GABRP: variants seen among roughly 807,000 people sequenced by gnomAD.
GABRP encodes the protein gamma-aminobutyric acid type A receptor subunit pi.
In GABRP, 52 loss-of-function variants were observed where a neutral mutation model predicts 47.8. The observed-to-expected ratio is 1.09, with a 90% CI of 0.87 to 1.37. The LOEUF (loss-of-function observed/expected upper bound fraction) is 1.37, where lower values mean the gene tolerates loss of function less well. GABRP is among the 40% of genes most tolerant of loss of function. The probability of loss-of-function intolerance (pLI) is 0.00; values close to 1 mark genes in which losing one functional copy is unlikely to be tolerated. For missense variants in GABRP, 525 were observed against 542.8 expected (o/e 0.97, Z 0.33); for synonymous variants, 221 against 205.8 (o/e 1.07, Z -0.63).
intron 6 of GABRP, among the ~76,000 whole-genome samples, chr5:170,800,783 TAA>T (rs1198782472): frequency 6.6e-6 from 1 of 152,182 alleles, no homozygotes; most frequent in Non-Finnish European, 1.5e-5. Context: ...CCATCTCTAC[TAA>T]AAATACAAAA....
Position 170,813,962 on chromosome 5 carries a change from C to T in GABRP, c.*1704C>T, listed in dbSNP as rs1345344539. The T allele has an allele frequency of 6.6e-6, 1 of 152,066 alleles. No homozygotes were observed. Among genetic ancestry groups the T allele is most frequent in the African/African-American group, 2.4e-5 (1 of 41,386 alleles). The allele number at this position is 152,066 out of a possible 1,614,324, so 9.4% of individuals were successfully genotyped here. A position where few individuals can be genotyped will look rare whatever the true frequency, so the allele number is the denominator to read the frequency against. ...TTAAAAGGAAATATCTGTTCTGAAA[C>T]CCCACTTAAGCATTGTTTTTATATA... On this transcript the variant is annotated 3_prime_UTR_variant, in exon 10 of 10. Transcript: ENST00000265294.
At chr5:170,788,766 G>A in intron 2 of GABRP, 98 bp downstream of exon 2, 2 of 1,136,092 alleles carry the variant, frequency 1.8e-6, no homozygotes, top group Non-Finnish European at 1.3e-6. Context: ...CCACAGCAAG[G>A]CAAAACCCGG....
chr5:170,810,714 G>A (rs536147701), intron 9 of GABRP, among the ~76,000 whole-genome samples: 4 of 152,250 alleles, frequency 2.6e-5, no homozygotes, highest in East Asian at 1.9e-4. Context: ...CTAGGACCAC[G>A]GAGGATCTAA....
At chr5:170,793,630 G>T (rs914932064) in intron 3 of GABRP, among the ~76,000 whole-genome samples, 3 of 152,188 alleles carry the variant, frequency 2.0e-5, no homozygotes, top group Non-Finnish European at 4.4e-5. Flanking sequence ...ACATCTGTGC[G>T]CAATCAGATT....
At chr5:170,790,930 A>G (rs1164171734) in intron 3 of GABRP, among the ~76,000 whole-genome samples, 1 of 152,166 alleles carries the variant, frequency 6.6e-6, no homozygotes, top group African/African-American at 2.4e-5. Context: ...ATTTTCATTC[A>G]GATTTGAGAC....
chr5:170,798,151 C>T (rs975468948), intron 6 of GABRP, among the ~76,000 whole-genome samples: 1 of 152,230 alleles, frequency 6.6e-6, no homozygotes, highest in Non-Finnish European at 1.5e-5. Flanking sequence ...ACGCCATTCT[C>T]CTGCCTCAGC....
At position 170,809,718 on chromosome 5, in the gene GABRP, A is replaced by G; in HGVS notation, c.983A>G (p.His328Arg). ...FGALLEYAVA[H>R]YSSLQQMAAK... ...GCCTTGCTAGAATATGCAGTTGCTC[A>G]CTACAGTTCCTTACAGCAGATGGCA... The change falls in exon 9 of 10, where the codon CAC becomes CGC. Residue 328 changes from histidine (H) to arginine (R), a missense_variant. Transcript: ENST00000265294. 6.2e-7 allele frequency: 1 copy of G among 1,608,656 alleles called. No individual in the cohort carries two copies. The highest frequency in any genetic ancestry group is 8.5e-7 in the Non-Finnish European group (1 of 1,177,460).
At chr5:170,788,931 T>C (rs1391544312) in intron 2 of GABRP, among the ~76,000 whole-genome samples, 198 bp from the exon 3 acceptor site, 7 of 152,214 alleles carry the variant, frequency 4.6e-5, no homozygotes, top group Non-Finnish European at 8.8e-5. Context: ...TATTTTGATC[T>C]ATGGCAAATG....
At chr5:170,793,145 CA>C (rs1439594378) in intron 3 of GABRP, among the ~76,000 whole-genome samples, 2 of 152,192 alleles carry the variant, frequency 1.3e-5, no homozygotes, top group African/African-American at 4.8e-5. Context: ...CGCCACTCCA[CA>C]AAGACAATGT....
At chr5:170,809,228 T>C (rs1483208202) in intron 8 of GABRP, among the ~76,000 whole-genome samples, 1 of 152,196 alleles carries the variant, frequency 6.6e-6, no homozygotes, top group Non-Finnish European at 1.5e-5. Context: ...TGAGCCACTA[T>C]GCCCTGCCAG....
intron 9 of GABRP, chr5:170,809,982 G>T: frequency 1.4e-6 from 1 of 701,770 alleles, no homozygotes; most frequent in Non-Finnish European, 2.6e-6. Flanking sequence ...TAATTTTCCA[G>T]CAGAAAATAT....
chr5:170,799,278 T>C (rs1376942341), intron 6 of GABRP, among the ~76,000 whole-genome samples: 1 of 152,206 alleles, frequency 6.6e-6, no homozygotes, highest in Non-Finnish European at 1.5e-5. Flanking sequence ...TGATTTATAT[T>C]CCTTTGTGTA....
intron 6 of GABRP, among the ~76,000 whole-genome samples, chr5:170,798,975 C>A (rs1368207274): frequency 6.7e-6 from 1 of 148,868 alleles, no homozygotes; most frequent in African/African-American, 2.5e-5. Context: ...GTTCCCCTTC[C>A]TGTGTCCAAG....
At chr5:170,808,810 T>C in intron 8 of GABRP, 58 bp downstream of exon 8, 2 of 1,516,326 alleles carry the variant, frequency 1.3e-6, no homozygotes, top group East Asian at 2.3e-5. Flanking sequence ...CTTACTTTTT[T>C]TCCTTTTACC....
At chr5:170,792,065 T>C (rs1020385702) in intron 3 of GABRP, among the ~76,000 whole-genome samples, 2 of 152,184 alleles carry the variant, frequency 1.3e-5, no homozygotes, top group African/African-American at 2.4e-5. Context: ...ACTCTTACAA[T>C]GGCAATTAAA....
rs1390221338 is a variant in GABRP at position 170,812,565 on chromosome 5, C to T, written c.*307C>T. ...GTTTATTCGGTGGCTCCCTGGTTTG[C>T]ATTTACCTCATATAAAGAATGGGAA... is the stretch of plus-strand genomic sequence containing the variant. On this transcript the variant is annotated 3_prime_UTR_variant, in exon 10 of 10. Transcript: ENST00000265294. 7.3e-6 allele frequency: 2 copies of T among 273,884 alleles called. No individual in the cohort carries two copies. Among genetic ancestry groups the T allele is most frequent in the East Asian group, 1.4e-4 (2 of 14,194 alleles). 17.0% of individuals were successfully genotyped at this position (273,884 alleles called of 1,614,324 possible). A position where few individuals can be genotyped will look rare whatever the true frequency, so the allele number is the denominator to read the frequency against.
At chr5:170,799,201 T>C (rs1052961677) in intron 6 of GABRP, among the ~76,000 whole-genome samples, 2 of 152,240 alleles carry the variant, frequency 1.3e-5, no homozygotes, top group African/African-American at 4.8e-5. Flanking sequence ...TTGGCTTGGT[T>C]CCAAGCCTTT....
At chr5:170,791,196 G>A (rs546738653) in intron 3 of GABRP, among the ~76,000 whole-genome samples, 14 of 152,216 alleles carry the variant, frequency 9.2e-5, no homozygotes, top group Admixed American at 3.9e-4. Flanking sequence ...AGGGAGCCTG[G>A]GGTAGGCCTA....
chr5:170,788,552 T>A, intron 1 of GABRP, 22 bp from the exon 2 acceptor site: 2 of 1,561,816 alleles, frequency 1.3e-6, no homozygotes, highest in South Asian at 2.2e-5. Context: ...GCCTTCCACT[T>A]ACCTTGCCCC....
Sources: gnomAD v4.1 joint callset for allele counts (sites outside exome capture counted in the v4.1 genomes callset) on GRCh38, gnomAD v4.1.1 for gene constraint, MANE v1.5 for transcripts, NCBI Gene and HGNC (gene_info 2026-07-23, HGNC 2026-07-21) for gene names.